Variants in BBS9 observed in about 807,000 individuals in gnomAD.
The protein encoded by BBS9 is protein PTHB1.
In BBS9, 89 loss-of-function variants were observed where a neutral mutation model predicts 117.7. The observed-to-expected ratio is 0.76, with a 90% confidence interval of 0.64 to 0.90. The LOEUF (loss-of-function observed/expected upper bound fraction) is 0.90, where lower values mean the gene tolerates loss of function less well. BBS9 is among the 40% of genes least tolerant of loss of function. BBS9 has a pLI of 0.00. For synonymous variants in BBS9, 379 were observed against 370.9 expected, an observed-to-expected ratio of 1.02 and a Z score of -0.25; for missense variants, 982 against 1,042.2, an observed-to-expected ratio of 0.94 and a Z score of 0.80.
chr7:33,298,923 A>G (rs1031484593), intron 9 of BBS9, among the ~76,000 whole-genome samples: 7 of 152,230 alleles, frequency 4.6e-5, no homozygotes, highest in African/African-American at 1.7e-4. Context: ...TTGAATCAGT[A>G]CCATGGCCAA....
chr7:33,634,889 G>T (rs6976435), intron 21 of BBS9, among the ~76,000 whole-genome samples: 3 of 152,188 alleles, frequency 2.0e-5, no homozygotes, highest in East Asian at 3.9e-4. Flanking sequence ...GGCTTAGTCC[G>T]GAGTGTGGGG....
chr7:33,269,485 A>G (rs1372395096), intron 7 of BBS9, among the ~76,000 whole-genome samples: 5 of 152,188 alleles, frequency 3.3e-5, no homozygotes, highest in Admixed American at 6.5e-5. Context: ...CTTGGCTCCA[A>G]CCACTGCTAA....
chr7:33,195,377 A>G (rs557292260), intron 5 of BBS9, among the ~76,000 whole-genome samples: 6 of 152,278 alleles, frequency 3.9e-5, no homozygotes, highest in Non-Finnish European at 5.9e-5. Flanking sequence ...CCTCTTTAAC[A>G]AACATGTTAA....
chr7:33,406,468 C>A (rs1162890552), intron 19 of BBS9, among the ~76,000 whole-genome samples: 2 of 131,742 alleles, frequency 1.5e-5, no homozygotes, highest in African/African-American at 2.6e-5. Flanking sequence ...TGAATTTGAT[C>A]CTGTCATTAT....
At chr7:33,552,840 A>T (rs1854648998) in intron 21 of BBS9, among the ~76,000 whole-genome samples, 1 of 152,158 alleles carries the variant, frequency 6.6e-6, no homozygotes, top group Non-Finnish European at 1.5e-5. Flanking sequence ...TTCTCAGAAG[A>T]TGACTTGGTT....
intron 5 of BBS9, among the ~76,000 whole-genome samples, chr7:33,200,690 A>G (rs1307806283): frequency 1.3e-5 from 2 of 152,108 alleles, no homozygotes; most frequent in Non-Finnish European, 2.9e-5. Flanking sequence ...ATCTAGAGAC[A>G]AGGAATCCCC....
intron 9 of BBS9, among the ~76,000 whole-genome samples, chr7:33,331,429 A>T (rs1814019448): frequency 1.3e-5 from 2 of 152,280 alleles, no homozygotes; most frequent in East Asian, 3.9e-4. Flanking sequence ...GAGCAATCAG[A>T]CAAAAGAAAG....
chr7:33,359,568 T>C (rs1820249628), intron 16 of BBS9, among the ~76,000 whole-genome samples: 2 of 152,006 alleles, frequency 1.3e-5, no homozygotes, highest in African/African-American at 4.8e-5. Context: ...TGATATAGAG[T>C]GGTTTTTAAA....
chr7:33,460,281 A>T (rs1481381010), intron 19 of BBS9, among the ~76,000 whole-genome samples: 1 of 152,114 alleles, frequency 6.6e-6, no homozygotes, highest in Admixed American at 6.6e-5. Flanking sequence ...TAAGGTTTAA[A>T]TTCTCCTAAG....
intron 19 of BBS9, among the ~76,000 whole-genome samples, chr7:33,450,864 GTTTTT>G: frequency 7.1e-6 from 1 of 140,276 alleles, no homozygotes; most frequent in East Asian, 3.1e-4. Flanking sequence ...CTGTTCAGAA[GTTTTT>G]TTTTTTTGTT....
At chr7:33,467,655 C>G (rs190198373) in intron 19 of BBS9, among the ~76,000 whole-genome samples, 22 of 151,004 alleles carry the variant, frequency 1.5e-4, no homozygotes, top group Non-Finnish European at 1.5e-5. Flanking sequence ...ACACAAATTG[C>G]ACATAACATT....
intron 10 of BBS9, among the ~76,000 whole-genome samples, chr7:33,339,281 A>G (rs894923354): frequency 2.6e-5 from 4 of 152,108 alleles, no homozygotes; most frequent in Admixed American, 6.6e-5. Context: ...GCTTTCTTGG[A>G]AGCCACACCC....
chr7:33,247,511 G>T (rs1795529905), intron 5 of BBS9, among the ~76,000 whole-genome samples: 1 of 152,058 alleles, frequency 6.6e-6, no homozygotes, highest in African/African-American at 2.4e-5. Flanking sequence ...TCGATGCATG[G>T]TGTTCCATCT....
intron 20 of BBS9, among the ~76,000 whole-genome samples, chr7:33,511,753 G>T (rs1432430622): frequency 1.3e-5 from 2 of 152,152 alleles, no homozygotes; most frequent in African/African-American, 4.8e-5. Flanking sequence ...GTTCAGCATG[G>T]TTCATGTGAG....
chr7:33,379,103 G>A (rs188951176), intron 17 of BBS9, among the ~76,000 whole-genome samples: 1 of 152,300 alleles, frequency 6.6e-6, no homozygotes, highest in African/African-American at 2.4e-5. Context: ...ACTGCTTACT[G>A]CACTTCAGAC....
intron 16 of BBS9, among the ~76,000 whole-genome samples, chr7:33,359,272 A>G (rs1365804628): frequency 6.6e-6 from 1 of 152,050 alleles, no homozygotes; most frequent in East Asian, 1.9e-4. Flanking sequence ...AAAAACGTTT[A>G]AACACCTGAC....
At chr7:33,496,024 C>T (rs368840695) in intron 19 of BBS9, among the ~76,000 whole-genome samples, 8 of 152,186 alleles carry the variant, frequency 5.3e-5, no homozygotes, top group African/African-American at 4.8e-5. Flanking sequence ...TAATCATAGA[C>T]CAGAAAAACC....
intron 18 of BBS9, among the ~76,000 whole-genome samples, chr7:33,386,127 TAATAAAAA>T (rs948067467): frequency 2.5e-4 from 38 of 151,866 alleles, no homozygotes; most frequent in African/African-American, 6.0e-4. Flanking sequence ...AATTAAAGTA[TAATAAAAA>T]AATAAAAAAA....
chr7:33,150,831 A>C (rs1015760969), intron 2 of BBS9, among the ~76,000 whole-genome samples: 1 of 152,212 alleles, frequency 6.6e-6, no homozygotes, highest in African/African-American at 2.4e-5. Context: ...ACTTAAAATG[A>C]ATAGATGTTT....
Sources: gnomAD v4.1 joint callset for allele counts (sites outside exome capture counted in the v4.1 genomes callset) on GRCh38, gnomAD v4.1.1 for gene constraint, MANE v1.5 for transcripts, NCBI Gene and HGNC (gene_info 2026-07-23, HGNC 2026-07-21) for gene names.